Variants in DRG2 observed in about 807,000 individuals in gnomAD.
DRG2 encodes developmentally-regulated GTP-binding protein 2.
DRG2 carries 36 observed loss-of-function variants against 53.4 expected under a neutral mutation model. The observed-to-expected ratio is 0.67, with a 90% CI of 0.52 to 0.89. The LOEUF is 0.89. Among genes scored for constraint, DRG2 ranks in the 40% least tolerant of loss-of-function variants. The pLI is 0.00. For missense variants in DRG2, 342 were observed against 481.2 expected (o/e 0.71, Z 2.71); for synonymous variants, 167 against 192.1 (o/e 0.87, Z 1.08).
intron 1 of DRG2, among the ~76,000 whole-genome samples, chr17:18,090,490 C>T (rs2045315983): frequency 7.2e-6 from 1 of 138,074 alleles, no homozygotes; most frequent in African/African-American, 2.7e-5. Flanking sequence ...AATCTCGGCT[C>T]ACCGCAACCT....
rs1235092708 is a variant in DRG2, at chr17:18,107,489, G to A, written c.*249G>A. The A allele has an allele frequency of 1.3e-5, 7 of 547,172 alleles. No individual in the cohort carries two copies. The African/African-American group carries it at 1.3e-4, about 10-fold the overall frequency. 33.9% of individuals were successfully genotyped at this position (547,172 alleles called of 1,614,324 possible). On this transcript the variant is annotated 3_prime_UTR_variant, in exon 13 of 13. Transcript: ENST00000225729. ...GGGGGTTTTGAGTTTGTAGTGCTGAGCCTGCATCTGTGCCTCCCAGCCCCC... is the reference window on the plus strand; with the variant it reads ...GGGGGTTTTGAGTTTGTAGTGCTGAACCTGCATCTGTGCCTCCCAGCCCCC...
intron 1 of DRG2, among the ~76,000 whole-genome samples, chr17:18,090,395 TATA>T (rs2045306608): frequency 6.6e-5 from 1 of 15,042 alleles, no homozygotes; most frequent in Non-Finnish European, 1.1e-4. Flanking sequence ...TATATATATA[TATA>T]TATATATATT....
Position 18,099,224 on chromosome 17 carries a change from G to A in DRG2, c.376+147G>A. ...AGACAGGTTCCAGTTCAAATCCTTGGCACCAAACTAGCCTTGTGATCTTGG... is the reference window on the plus strand; with the variant it reads ...AGACAGGTTCCAGTTCAAATCCTTGACACCAAACTAGCCTTGTGATCTTGG... On this transcript the variant is annotated intron_variant, in intron 4 of 12. Transcript: ENST00000225729. The surrounding 1 kb of genome is among the most constrained non-coding windows in gnomAD (Gnocchi z 4.4). 1 of 1,031,752 alleles carries A rather than the reference G, an allele frequency of 9.7e-7. No individual in the cohort carries two copies. The allele number at this position is 1,031,752 out of a possible 1,614,324, so 63.9% of individuals were successfully genotyped here.
At chr17:18,091,351 C>T (rs566957918) in intron 1 of DRG2, among the ~76,000 whole-genome samples, 7 of 152,158 alleles carry the variant, frequency 4.6e-5, no homozygotes, top group South Asian at 2.1e-4. Flanking sequence ...TTTGGGAGGC[C>T]GAGGTGGGTG....
intron 11 of DRG2, 150 bp downstream of exon 11, chr17:18,104,831 G>C (rs1055853519): frequency 7.4e-7 from 1 of 1,347,284 alleles, no homozygotes; most frequent in East Asian, 2.5e-5. Flanking sequence ...ACAGCCTGGG[G>C]CTGCGTCTGC....
rs2045626567 is a variant in DRG2, at chr17:18,106,203, C to T, written c.955-230C>T. On this transcript the variant is annotated intron_variant, in intron 11 of 12. Coordinates refer to ENST00000225729, the MANE Select transcript of DRG2 (RefSeq NM_001388.5). ...TTTGGGAACATTCCTAACTATGCAC[C>T]ACAGCTGGCAGATCAGGAGTGGGAA... 3 of 574,016 alleles carry T rather than the reference C, an allele frequency of 5.2e-6. No individual in the cohort carries two copies. In the South Asian group the frequency reaches 5.9e-5, roughly 11 times the overall value. 35.6% of individuals were successfully genotyped at this position (574,016 alleles called of 1,614,324 possible).
At chr17:18,101,691 G>A in intron 8 of DRG2, 101 bp downstream of exon 8, 1 of 1,258,646 alleles carries the variant, frequency 7.9e-7, no homozygotes, top group South Asian at 1.3e-5. Context: ...AAGAGTCTGA[G>A]GCTCTCCCCT....
intron 1 of DRG2, among the ~76,000 whole-genome samples, chr17:18,090,387 TATATATATATATA>T (rs2045302061): frequency 8.3e-5 from 1 of 12,114 alleles, no homozygotes; most frequent in Non-Finnish European, 1.3e-4. Flanking sequence ...TATATATATA[TATATATATATATA>T]TATATATTTT....
In DRG2 at chr17:18,098,958, C is replaced by T; in HGVS notation, c.316-59C>T. 1.3e-6 allele frequency: 2 copies of T among 1,595,734 alleles called. No homozygotes were observed. Among genetic ancestry groups the T allele is most frequent in the Non-Finnish European group, 1.7e-6 (2 of 1,164,650 alleles). ...CCATTCCAGATGTCCCAGATCCAGA[C>T]AGGACCTTTCCAGTGGAGGCCCAGC... On this transcript the variant is annotated intron_variant, in intron 3 of 12. Coordinates refer to ENST00000225729, the MANE Select transcript of DRG2 (RefSeq NM_001388.5). This position sits in a 1 kb window ranked among gnomAD's most constrained non-coding sequence, Gnocchi z 4.1.
rs556131568 is a variant in DRG2 at position 18,098,084 on chromosome 17, C to T, written c.226-186C>T. The stretch of plus-strand genomic sequence containing the variant: ...AACAGATGGGCCTCTGGTGTCTGAC[C>T]CATCCAGGACAGGGCCAGAGGTGAG... On this transcript the variant is annotated intron_variant, in intron 2 of 12. Coordinates refer to ENST00000225729, the MANE Select transcript of DRG2 (RefSeq NM_001388.5). This position sits in a 1 kb window ranked among gnomAD's most constrained non-coding sequence, Gnocchi z 4.1. The T allele has an allele frequency of 4.1e-5, 23 of 559,126 alleles. No homozygotes were observed. The Middle Eastern group carries it at 2.1e-3, about 52-fold the overall frequency. 34.6% of individuals were successfully genotyped at this position (559,126 alleles called of 1,614,324 possible).
intron 1 of DRG2, among the ~76,000 whole-genome samples, chr17:18,093,258 G>T (rs1322533497): frequency 6.6e-6 from 1 of 151,862 alleles, no homozygotes; most frequent in African/African-American, 2.4e-5. Context: ...AGGAAGCGGT[G>T]CCCCCTCTGT....
rs2045301439 is a variant in DRG2 at position 18,090,385 on chromosome 17, TATATATATATATA to T, written c.64+2299_64+2311del. ...GGGCTAATTTATATATATATATATA[TATATATATATATA>T]TATATATATTTTTTTTTTTTTTTTT... On this transcript the variant is annotated intron_variant, in intron 1 of 12. Coordinates refer to ENST00000225729, the MANE Select transcript of DRG2 (RefSeq NM_001388.5). 2.7e-4 allele frequency among the ~76,000 whole-genome samples: 6 copies of T among 22,146 alleles called. 1 individual carries two copies. Among genetic ancestry groups the T allele is most frequent in the East Asian group, 1.6e-3 (1 of 620 alleles). 14.5% of individuals were successfully genotyped at this position (22,146 alleles called of 152,430 possible). A position where few individuals can be genotyped will look rare whatever the true frequency, so the allele number is the denominator to read the frequency against.
At chr17:18,104,224 C>T (rs1160755431) in intron 10 of DRG2, among the ~76,000 whole-genome samples, 1 of 152,216 alleles carries the variant, frequency 6.6e-6, no homozygotes, top group Non-Finnish European at 1.5e-5. Flanking sequence ...TGCGCACACA[C>T]ACATGCCCTG....
intron 7 of DRG2, among the ~76,000 whole-genome samples, chr17:18,101,062 T>C (rs747503373): frequency 6.6e-6 from 1 of 152,148 alleles, no homozygotes; most frequent in Non-Finnish European, 1.5e-5. Flanking sequence ...GGCAGAGTTA[T>C]GCCTGGCATA....
chr17:18,091,496 G>C (rs2045333449), intron 1 of DRG2, among the ~76,000 whole-genome samples: 1 of 152,100 alleles, frequency 6.6e-6, no homozygotes, highest in Admixed American at 6.6e-5. Flanking sequence ...GGAGGCAGGA[G>C]AATCTCTTGA....
At chr17:18,097,884 A>G (rs1283241779) in intron 2 of DRG2, 3 of 171,622 alleles carry the variant, frequency 1.7e-5, no homozygotes, top group African/African-American at 7.1e-5. Flanking sequence ...GGTGCACAGC[A>G]TGTCTGGGTA....
intron 1 of DRG2, among the ~76,000 whole-genome samples, chr17:18,089,679 A>T (rs1485252302): frequency 2.0e-5 from 3 of 152,206 alleles, no homozygotes; most frequent in Non-Finnish European, 4.4e-5. Context: ...GATAGAGAAG[A>T]CCACCATGAG....
chr17:18,103,735 A>G lies in DRG2; in HGVS notation c.807-66A>G. On this transcript the variant is annotated intron_variant, in intron 9 of 12. Transcript: ENST00000225729. The surrounding 1 kb of genome is among the most constrained non-coding windows in gnomAD (Gnocchi z 4.4). Reference sequence around the variant, plus strand: ...GGAGGTTATCCGCTCCAATAGTGAGAAGTGGAGACCCCAGCCTCTGAATTC... The same window carrying G: ...GGAGGTTATCCGCTCCAATAGTGAGGAGTGGAGACCCCAGCCTCTGAATTC... The G allele has an allele frequency of 2.0e-6, 3 of 1,478,542 alleles. No individual in the cohort carries two copies. Among genetic ancestry groups the G allele is most frequent in the Non-Finnish European group, 2.8e-6 (3 of 1,057,750 alleles). 91.6% of individuals were successfully genotyped at this position (1,478,542 alleles called of 1,614,324 possible). A position where few individuals can be genotyped will look rare whatever the true frequency, so the allele number is the denominator to read the frequency against.
chr17:18,104,523 C>T lies in DRG2; in HGVS notation c.896-100C>T, dbSNP rs943722451. ...GGAGGTTAGGCCAAGGCAAGGAGAC[C>T]GAAAGGGCCTCTGTGGCCAGCTCTT... On this transcript the variant is annotated intron_variant, in intron 10 of 12. Coordinates refer to ENST00000225729, the MANE Select transcript of DRG2 (RefSeq NM_001388.5). 1.6e-5 allele frequency: 26 copies of T among 1,576,636 alleles called. No individual in the cohort carries two copies. The African/African-American group carries it at 1.8e-4, about 11-fold the overall frequency.
Sources: gnomAD v4.1 joint callset for allele counts (sites outside exome capture counted in the v4.1 genomes callset) on GRCh38, gnomAD v4.1.1 for gene constraint, Gnocchi (gnomAD v3.1) non-coding constraint, MANE v1.5 for transcripts, NCBI Gene and HGNC (gene_info 2026-07-23, HGNC 2026-07-21) for gene names.